The following RNGTT variants were observed in gnomAD, a reference collection of about 807,000 sequenced individuals.
The protein encoded by RNGTT is mRNA-capping enzyme.
A neutral mutation model predicts 79.3 loss-of-function variants in RNGTT; 33 were observed. That is an observed-to-expected ratio of 0.42 (90% CI 0.32 to 0.56). The LOEUF is 0.56. Among genes scored for constraint, RNGTT ranks in the 20% least tolerant of loss-of-function variants. The probability of loss-of-function intolerance (pLI) is 0.17; values close to 1 mark genes in which losing one functional copy is unlikely to be tolerated. For missense variants in RNGTT, 497 were observed against 739.1 expected (o/e 0.67, Z 3.80); for synonymous variants, 222 against 235.9 (o/e 0.94, Z 0.54).
chr6:88,788,532 C>T (rs1205620215), intron 12 of RNGTT, among the ~76,000 whole-genome samples: 4 of 152,104 alleles, frequency 2.6e-5, no homozygotes, highest in African/African-American at 4.8e-5. Flanking sequence ...GCAGTTGATT[C>T]GAACATCATT....
rs890338018 is a variant in RNGTT, at chr6:88,784,040, A to C, written c.1339-14166T>G. 2.0e-5 allele frequency among the ~76,000 whole-genome samples: 3 copies of C among 152,216 alleles called. No individual in the cohort carries two copies. In the South Asian group the frequency reaches 6.2e-4, roughly 31 times the overall value. ...CAAAAAACTGTGAAGAATTTAATGA[A>C]AGATGAAGTTCAGAGTGCTATAATA... On this transcript the variant is annotated intron_variant, in intron 12 of 15. Transcript: ENST00000369485.
chr6:88,919,738 C>T (rs1229804393), intron 4 of RNGTT, among the ~76,000 whole-genome samples: 3 of 32,424 alleles, frequency 9.3e-5, no homozygotes, highest in South Asian at 8.8e-4. Context: ...TTTTTTGAGA[C>T]GGAGTTTTGT....
rs1177144080 is a variant in RNGTT at position 88,947,013 on chromosome 6, G to A, written c.65-5833C>T. 6.1e-5 allele frequency among the ~76,000 whole-genome samples: 3 copies of A among 49,210 alleles called. No homozygotes were observed. The Admixed American group carries it at 6.3e-4, about 10-fold the overall frequency. The allele number at this position is 49,210 out of a possible 152,430, so 32.3% of individuals were successfully genotyped here. A position where few individuals can be genotyped will look rare whatever the true frequency, so the allele number is the denominator to read the frequency against. ...TCACTACAACCTACACCTCCCAGCC[G>A]CCTGCCTTGGCCTCCCAAAGTGCCG... On this transcript the variant is annotated intron_variant, in intron 1 of 15. Transcript: ENST00000369485.
intron 11 of RNGTT, among the ~76,000 whole-genome samples, chr6:88,807,023 T>C (rs1407438417): frequency 1.3e-5 from 2 of 152,186 alleles, no homozygotes; most frequent in African/African-American, 4.8e-5. Context: ...TCCTCACTTA[T>C]AAGTGGGAGT....
At chr6:88,911,245 AAACT>A (rs1314131376) in intron 4 of RNGTT, among the ~76,000 whole-genome samples, 1 of 152,234 alleles carries the variant, frequency 6.6e-6, no homozygotes, top group East Asian at 1.9e-4. Context: ...TATCTTCAGG[AAACT>A]AACTCATACC....
intron 14 of RNGTT, among the ~76,000 whole-genome samples, chr6:88,664,088 G>A (rs1012142567): frequency 2.0e-5 from 3 of 152,128 alleles, no homozygotes; most frequent in Non-Finnish European, 4.4e-5. Flanking sequence ...GAACCCCCAA[G>A]AGTATGTGAG....
At chr6:88,731,655 G>A (rs971052503) in intron 13 of RNGTT, among the ~76,000 whole-genome samples, 1 of 152,014 alleles carries the variant, frequency 6.6e-6, no homozygotes, top group African/African-American at 2.4e-5. Flanking sequence ...AGATACCATC[G>A]ACAGGGCAAA....
intron 14 of RNGTT, 191 bp downstream of exon 14, chr6:88,678,162 A>T (rs1358769027): frequency 8.3e-7 from 1 of 1,202,486 alleles, no homozygotes; most frequent in Non-Finnish European, 1.0e-6. Flanking sequence ...AATGACAAAA[A>T]ATTTTTCTTT....
intron 12 of RNGTT, among the ~76,000 whole-genome samples, chr6:88,796,094 A>T (rs1779592375): frequency 6.6e-6 from 1 of 152,236 alleles, no homozygotes; most frequent in African/African-American, 2.4e-5. Context: ...TAAGTGTAAA[A>T]TTCCCACTGG....
At chr6:88,659,534 T>C (rs1178325191) in intron 14 of RNGTT, among the ~76,000 whole-genome samples, 2 of 150,510 alleles carry the variant, frequency 1.3e-5, no homozygotes, top group African/African-American at 4.9e-5. Flanking sequence ...CTAGAACAAG[T>C]AGAAGAAAGA....
intron 8 of RNGTT, among the ~76,000 whole-genome samples, chr6:88,861,329 C>T (rs935386166): frequency 1.3e-5 from 2 of 152,172 alleles, no homozygotes; most frequent in African/African-American, 4.8e-5. Context: ...ATGCCCCCTA[C>T]TCACCAACAC....
At chr6:88,896,062 C>T (rs1783236342) in intron 6 of RNGTT, among the ~76,000 whole-genome samples, 1 of 152,204 alleles carries the variant, frequency 6.6e-6, no homozygotes, top group South Asian at 2.1e-4. Flanking sequence ...TATTCTCCCA[C>T]AGCCCAAGAT....
chr6:88,924,214 T>C (rs1229324680), intron 4 of RNGTT, among the ~76,000 whole-genome samples: 3 of 152,208 alleles, frequency 2.0e-5, no homozygotes, highest in African/African-American at 7.2e-5. Flanking sequence ...CAAAGTCCCC[T>C]AGGAGCTCTC....
intron 14 of RNGTT, among the ~76,000 whole-genome samples, chr6:88,667,227 G>T (rs1051910794): frequency 2.0e-5 from 3 of 152,044 alleles, no homozygotes; most frequent in African/African-American, 7.3e-5. Context: ...AAGGCAGAAG[G>T]GGGGCAAGTG....
At chr6:88,726,353 T>C (rs150879719) in intron 13 of RNGTT, among the ~76,000 whole-genome samples, 92 of 136,894 alleles carry the variant, frequency 6.7e-4, no homozygotes, top group Admixed American at 1.1e-3. Context: ...AACCTCATTG[T>C]GAGCACACCA....
intron 1 of RNGTT, 80 bp downstream of exon 1, chr6:88,963,266 C>A: frequency 1.4e-6 from 2 of 1,459,858 alleles, no homozygotes; most frequent in Non-Finnish European, 1.9e-6. Context: ...CACAGAACCA[C>A]CAAAAGCTGA....
intron 14 of RNGTT, among the ~76,000 whole-genome samples, chr6:88,667,963 A>G (rs1774480925): frequency 6.6e-6 from 1 of 152,096 alleles, no homozygotes; most frequent in Admixed American, 6.6e-5. Flanking sequence ...CTTATGAGAT[A>G]TTGTATCATA....
chr6:88,686,869 A>G (rs1366896406), intron 13 of RNGTT, among the ~76,000 whole-genome samples: 1 of 152,038 alleles, frequency 6.6e-6, no homozygotes, highest in Non-Finnish European at 1.5e-5. Context: ...AAGTACAAAA[A>G]AAGGAGAAAC....
At chr6:88,722,196 G>A (rs1334700872) in intron 13 of RNGTT, among the ~76,000 whole-genome samples, 1 of 151,426 alleles carries the variant, frequency 6.6e-6, no homozygotes, top group Non-Finnish European at 1.5e-5. Flanking sequence ...TCAAGTTATT[G>A]TAAAACTCAG....
Sources: allele counts gnomAD v4.1 joint callset (sites outside exome capture counted in the v4.1 genomes callset), GRCh38; gene constraint gnomAD v4.1.1; transcripts MANE v1.5; gene names NCBI Gene and HGNC (gene_info 2026-07-23, HGNC 2026-07-21).